MAPKAP1: variants seen among roughly 807,000 people sequenced by gnomAD.
MAPKAP1 encodes target of rapamycin complex 2 subunit MAPKAP1.
MAPKAP1 carries 20 observed loss-of-function variants against 65.7 expected under a neutral mutation model. The observed-to-expected ratio is 0.30, with a 90% CI of 0.21 to 0.44. MAPKAP1 has a LOEUF of 0.44. MAPKAP1 is among the 20% of genes least tolerant of loss of function. The pLI is 1.00. For missense variants in MAPKAP1, 423 were observed against 648.0 expected, an observed-to-expected ratio of 0.65 and a Z score of 3.77; for synonymous variants, 222 against 244.3, an observed-to-expected ratio of 0.91 and a Z score of 0.85.
chr9:125,638,288 T>G (rs1393960892), intron 4 of MAPKAP1, among the ~76,000 whole-genome samples: 1 of 152,096 alleles, frequency 6.6e-6, no homozygotes, highest in Non-Finnish European at 1.5e-5. Context: ...TCCTGTAATA[T>G]AAATGGGCTG....
intron 5 of MAPKAP1, among the ~76,000 whole-genome samples, chr9:125,563,526 A>G (rs556202135): frequency 3.3e-5 from 5 of 152,288 alleles, no homozygotes; most frequent in Non-Finnish European, 5.9e-5. Flanking sequence ...ATCACTAATC[A>G]TATTGCTTTT....
intron 5 of MAPKAP1, among the ~76,000 whole-genome samples, chr9:125,579,762 T>C (rs1416120449): frequency 6.6e-6 from 1 of 151,922 alleles, no homozygotes; most frequent in Non-Finnish European, 1.5e-5. Flanking sequence ...ACAAACACAC[T>C]AGAAAGAAAA....
In MAPKAP1 at chr9:125,506,382, T is replaced by A. The variant is rs750519243; in HGVS notation, c.994A>T (p.Asn332Tyr). 3 of 1,614,108 alleles carry A rather than the reference T, an allele frequency of 1.9e-6. No homozygotes were observed. Among genetic ancestry groups the A allele is most frequent in the South Asian group, 2.2e-5 (2 of 91,084 alleles). The change falls in exon 8 of 12, where the codon AAT becomes TAT. Residue 332 changes from asparagine (N) to tyrosine (Y), a missense_variant. By Grantham distance (143) the Asn-to-Tyr change is moderately radical (BLOSUM62 -2). Coordinates refer to ENST00000265960, the MANE Select transcript of MAPKAP1 (RefSeq NM_001006617.3). The part of the protein sequence containing the change: ...QYRLEKQSEP[N>Y]VAVDLDSTLE... ...GTGCTGTCCAGGTCAACGGCGACAT[T>A]GGGCTCGCTCTGCTTCTCCAGGCGG...
At chr9:125,682,504 A>C (rs1588070499) in intron 1 of MAPKAP1, among the ~76,000 whole-genome samples, 1 of 152,002 alleles carries the variant, frequency 6.6e-6, no homozygotes, top group Admixed American at 6.6e-5. Context: ...ACCACCCACC[A>C]CCCCCAAAAC....
At chr9:125,554,535 A>C (rs974707641) in intron 6 of MAPKAP1, among the ~76,000 whole-genome samples, 18 of 149,054 alleles carry the variant, frequency 1.2e-4, no homozygotes, top group African/African-American at 4.7e-4. Flanking sequence ...GCGGTGGCTC[A>C]TGCCTGTAAT....
intron 4 of MAPKAP1, among the ~76,000 whole-genome samples, chr9:125,616,449 T>C (rs1832750219): frequency 6.6e-6 from 1 of 152,156 alleles, no homozygotes; most frequent in Admixed American, 6.5e-5. Context: ...CAACAGTTGC[T>C]ACCCAATACA....
chr9:125,480,014 C>G (rs2133023522), intron 9 of MAPKAP1, among the ~76,000 whole-genome samples: 1 of 152,316 alleles, frequency 6.6e-6, no homozygotes, highest in South Asian at 2.1e-4. Flanking sequence ...CAGCTGCTCA[C>G]TTGAATACTC....
chr9:125,687,036 G>A (rs1457876297), intron 1 of MAPKAP1, among the ~76,000 whole-genome samples: 2 of 151,842 alleles, frequency 1.3e-5, no homozygotes, highest in Non-Finnish European at 1.5e-5. Context: ...ATGTTGGCAA[G>A]GCTGGTCTCG....
intron 1 of MAPKAP1, among the ~76,000 whole-genome samples, chr9:125,674,653 G>T (rs1439251999): frequency 6.6e-6 from 1 of 152,184 alleles, no homozygotes; most frequent in Non-Finnish European, 1.5e-5. Flanking sequence ...TCATTCTGCT[G>T]ATGTGTCTTA....
chr9:125,464,385 G>A (rs1314140819), intron 10 of MAPKAP1, among the ~76,000 whole-genome samples: 1 of 151,902 alleles, frequency 6.6e-6, no homozygotes, highest in Non-Finnish European at 1.5e-5. Flanking sequence ...ACCTTTTAGG[G>A]GCTTATGACG....
chr9:125,454,799 G>A (rs1040649842), intron 10 of MAPKAP1, among the ~76,000 whole-genome samples: 3 of 152,098 alleles, frequency 2.0e-5, no homozygotes, highest in Admixed American at 6.5e-5. Context: ...TTTAGGAAGA[G>A]AAACCAGATA....
intron 4 of MAPKAP1, among the ~76,000 whole-genome samples, chr9:125,639,741 G>A (rs976269953): frequency 6.6e-6 from 1 of 152,120 alleles, no homozygotes; most frequent in African/African-American, 2.4e-5. Context: ...AGAACACCTA[G>A]GAATTTTCCA....
intron 5 of MAPKAP1, among the ~76,000 whole-genome samples, chr9:125,575,035 G>C (rs1831350963): frequency 1.3e-5 from 2 of 152,186 alleles, no homozygotes; most frequent in South Asian, 4.1e-4. Flanking sequence ...ACACAATTTA[G>C]AGAGCTCCTA....
chr9:125,703,003 G>A (rs1835649799), intron 1 of MAPKAP1, among the ~76,000 whole-genome samples: 1 of 152,148 alleles, frequency 6.6e-6, no homozygotes, highest in East Asian at 1.9e-4. Context: ...AGCCTGATAG[G>A]ACGATACCCT....
At position 125,439,727 on chromosome 9, in the gene MAPKAP1, G is replaced by A. The variant is rs1852412239; in HGVS notation, c.1444-715C>T. Among the ~76,000 whole-genome samples the A allele has an allele frequency of 6.6e-6, 1 of 151,960 alleles. No individual in the cohort carries two copies. The highest frequency in any genetic ancestry group is 1.5e-5 in the Non-Finnish European group (1 of 68,034). On this transcript the variant is annotated intron_variant, in intron 11 of 11. Transcript: ENST00000265960. This position sits in a 1 kb window ranked among gnomAD's most constrained non-coding sequence, Gnocchi z 4.0. ...CCTGGGAGTCTGCCCGGAGTCGCAT[G>A]TGCATCTTCCACTCTGTGTAGCAGC...
chr9:125,618,627 T>G (rs1296430080), intron 4 of MAPKAP1, among the ~76,000 whole-genome samples: 1 of 152,178 alleles, frequency 6.6e-6, no homozygotes, highest in Non-Finnish European at 1.5e-5. Flanking sequence ...TACCAAGTGA[T>G]TTCAAAGACA....
chr9:125,623,191 A>C (rs897924211), intron 4 of MAPKAP1, among the ~76,000 whole-genome samples: 8 of 139,718 alleles, frequency 5.7e-5, no homozygotes, highest in African/African-American at 2.1e-4. Context: ...CAAAGTGCCG[A>C]GATTGCAGCC....
chr9:125,502,664 C>A (rs1285118053), intron 8 of MAPKAP1, among the ~76,000 whole-genome samples: 1 of 152,106 alleles, frequency 6.6e-6, no homozygotes, highest in Non-Finnish European at 1.5e-5. Flanking sequence ...CATATGATTT[C>A]AATCTTTTGA....
intron 4 of MAPKAP1, among the ~76,000 whole-genome samples, chr9:125,617,182 C>G (rs114397642): frequency 6.6e-6 from 1 of 152,126 alleles, no homozygotes; most frequent in Non-Finnish European, 1.5e-5. Context: ...GTTTGTAGAT[C>G]GGGCACAATG....
Sources: gnomAD v4.1 joint callset for allele counts (sites outside exome capture counted in the v4.1 genomes callset) on GRCh38, gnomAD v4.1.1 for gene constraint, Gnocchi (gnomAD v3.1) non-coding constraint, MANE v1.5 for transcripts, NCBI Gene and HGNC (gene_info 2026-07-23, HGNC 2026-07-21) for gene names.